MARCHF5: variants seen among roughly 807,000 people sequenced by gnomAD.
MARCHF5 encodes the protein membrane associated ring-CH-type finger 5.
A neutral mutation model predicts 36.5 loss-of-function variants in MARCHF5; 5 were observed. The observed-to-expected ratio is 0.14, with a 90% CI of 0.07 to 0.29. MARCHF5 has a LOEUF of 0.29. MARCHF5 is among the 10% of genes least tolerant of loss of function. MARCHF5 has a pLI of 1.00. For synonymous variants in MARCHF5, 103 were observed against 109.9 expected, an observed-to-expected ratio of 0.94 and a Z score of 0.39; for missense variants, 179 against 336.3, an observed-to-expected ratio of 0.53 and a Z score of 3.66.
intron 2 of MARCHF5, among the ~76,000 whole-genome samples, 182 bp from the exon 3 acceptor site, chr10:92,340,491 G>A (rs958447353): frequency 4.9e-4 from 74 of 152,316 alleles, no homozygotes; most frequent in African/African-American, 1.8e-3. Flanking sequence ...AGGATCACTT[G>A]AACCCAGAAG....
chr10:92,328,803 A>G (rs893829049), intron 2 of MARCHF5, among the ~76,000 whole-genome samples: 2 of 126,136 alleles, frequency 1.6e-5, no homozygotes, highest in Non-Finnish European at 3.3e-5. Context: ...TGAGGTTATT[A>G]TATATATATA....
At chr10:92,329,475 G>C (rs1292577948) in intron 2 of MARCHF5, among the ~76,000 whole-genome samples, 1 of 151,998 alleles carries the variant, frequency 6.6e-6, no homozygotes, top group African/African-American at 2.4e-5. Flanking sequence ...TTATATTTTT[G>C]ACTGATAAAT....
At chr10:92,291,674 T>G in intron 1 of MARCHF5, 145 bp downstream of exon 1, 1 of 1,267,672 alleles carries the variant, frequency 7.9e-7, no homozygotes, top group East Asian at 2.9e-5. Context: ...GCAAAAAGTT[T>G]GGAGTCTAGA....
intron 2 of MARCHF5, among the ~76,000 whole-genome samples, chr10:92,336,830 G>C (rs1843507741): frequency 1.3e-5 from 2 of 152,100 alleles, no homozygotes; most frequent in African/African-American, 2.4e-5. Flanking sequence ...AGAAAAACGA[G>C]AGATGTTCTG....
At chr10:92,341,956 C>G (rs1843585454) in intron 3 of MARCHF5, among the ~76,000 whole-genome samples, 1 of 151,556 alleles carries the variant, frequency 6.6e-6, no homozygotes, top group Admixed American at 6.6e-5. Context: ...TGCCTAGCTA[C>G]TTTTTTCTAA....
chr10:92,319,986 T>A (rs1395543081), intron 2 of MARCHF5, among the ~76,000 whole-genome samples: 3 of 149,786 alleles, frequency 2.0e-5, no homozygotes, highest in Admixed American at 2.0e-4. Context: ...TTTTTTTTTT[T>A]TTTGAGACAG....
intron 2 of MARCHF5, among the ~76,000 whole-genome samples, chr10:92,333,198 G>A (rs1255264342): frequency 6.7e-6 from 1 of 149,448 alleles, no homozygotes; most frequent in Admixed American, 6.7e-5. Flanking sequence ...AAAAATTCAC[G>A]TTTGTTGGCT....
rs1270726033 is a variant in MARCHF5, at chr10:92,353,313, G to C, written c.*2106G>C. ...ATGAAGCAACAAAAGAGCATAGGCA[G>C]ACTTAAAGTTGGATAGACCTGGGTT... is the stretch of plus-strand genomic sequence containing the variant. On this transcript the variant is annotated 3_prime_UTR_variant, in exon 6 of 6. Coordinates refer to ENST00000358935, the MANE Select transcript of MARCHF5 (RefSeq NM_017824.5). 1.3e-5 allele frequency: 2 copies of C among 152,160 alleles called. No individual in the cohort carries two copies. Among genetic ancestry groups the C allele is most frequent in the African/African-American group, 2.4e-5 (1 of 41,418 alleles). 9.4% of individuals were successfully genotyped at this position (152,160 alleles called of 1,614,324 possible). A position where few individuals can be genotyped will look rare whatever the true frequency, so the allele number is the denominator to read the frequency against.
chr10:92,309,364 C>CT (rs1411080161), intron 1 of MARCHF5, among the ~76,000 whole-genome samples: 24 of 152,120 alleles, frequency 1.6e-4, no homozygotes. Flanking sequence ...TTAATGTAGA[C>CT]TATTTCAGTT....
intron 2 of MARCHF5, among the ~76,000 whole-genome samples, chr10:92,329,913 T>G (rs770135137): frequency 3.3e-5 from 5 of 152,352 alleles, no homozygotes; most frequent in Non-Finnish European, 5.9e-5. Flanking sequence ...TGGCACAATC[T>G]TGGCTCACTG....
chr10:92,325,440 C>T (rs182610288), intron 2 of MARCHF5, among the ~76,000 whole-genome samples: 115 of 152,246 alleles, frequency 7.6e-4, no homozygotes, highest in Admixed American at 1.6e-3. Context: ...TTTATTTTGG[C>T]GCTCTGTTAA....
chr10:92,340,705 A>G lies in MARCHF5; in HGVS notation c.271A>G (p.Arg91Gly). ...GGTTTACGTCTTGGATCTTGCAGAT[A>G]GACTGATCTCAAAAGCCTGTCCATT... ...PVVYVLDLAD[R>G]LISKACPFAA... Residue 91 changes from arginine (R) to glycine (G), a missense_variant, in exon 3 of 6, where the codon AGA becomes GGA. Around this residue, in one of 3 missense-constraint regions of MARCHF5, gnomAD observed 66 missense variants for 180.5 expected, o/e 0.37. Coordinates refer to ENST00000358935, the MANE Select transcript of MARCHF5 (RefSeq NM_017824.5). 6.2e-7 allele frequency: 1 copy of G among 1,613,800 alleles called. No homozygotes were observed. The highest frequency in any genetic ancestry group is 8.5e-7 in the Non-Finnish European group (1 of 1,179,844).
At chr10:92,349,953 T>C in intron 5 of MARCHF5, 116 bp downstream of exon 5, 1 of 775,466 alleles carries the variant, frequency 1.3e-6, no homozygotes, top group Non-Finnish European at 2.1e-6. Context: ...GCATTAAGCC[T>C]CTATTTGAGC....
intron 1 of MARCHF5, among the ~76,000 whole-genome samples, chr10:92,293,739 A>T (rs1842918556): frequency 6.6e-6 from 1 of 151,920 alleles, no homozygotes; most frequent in South Asian, 2.1e-4. Context: ...CTGAGATCGC[A>T]CCATTGTACT....
chr10:92,296,519 T>A (rs1842949986), intron 1 of MARCHF5, among the ~76,000 whole-genome samples: 1 of 152,224 alleles, frequency 6.6e-6, no homozygotes, highest in Non-Finnish European at 1.5e-5. Context: ...GGAGTGAATT[T>A]ACAGAGAACA....
chr10:92,312,383 A>G (rs191155225), intron 2 of MARCHF5, among the ~76,000 whole-genome samples: 1 of 152,242 alleles, frequency 6.6e-6, no homozygotes, highest in Middle Eastern at 3.2e-3. Flanking sequence ...AAGGGGAAGT[A>G]GTGTAGTAGA....
At position 92,303,785 on chromosome 10, in the gene MARCHF5, T is replaced by C. The variant is rs1322341483; in HGVS notation, c.36-7350T>C. Among the ~76,000 whole-genome samples the C allele has an allele frequency of 2.0e-5, 3 of 152,210 alleles. No homozygotes were observed. The East Asian group carries it at 5.8e-4, about 29-fold the overall frequency. On this transcript the variant is annotated intron_variant, in intron 1 of 5. Coordinates refer to ENST00000358935, the MANE Select transcript of MARCHF5 (RefSeq NM_017824.5). The stretch of plus-strand genomic sequence containing the variant: ...TCATAATTTTAAAATCACATGGAAT[T>C]ATATTACCCATACCAGTAAGACTAT...
chr10:92,346,712 A>G (rs1257489217), intron 3 of MARCHF5, among the ~76,000 whole-genome samples: 1 of 151,148 alleles, frequency 6.6e-6, no homozygotes, highest in Non-Finnish European at 1.5e-5. Context: ...CAAACTCCTG[A>G]CCTCAGGTGA....
chr10:92,291,263 G>A lies in MARCHF5; in HGVS notation c.-232G>A, dbSNP rs555862963. The A allele has an allele frequency of 3.9e-3, 2,098 of 539,638 alleles. 8 individuals carry two copies. Among genetic ancestry groups the A allele is most frequent in the Non-Finnish European group, 4.9e-3 (1,536 of 310,648 alleles). The allele number at this position is 539,638 out of a possible 1,614,324, so 33.4% of individuals were successfully genotyped here. On this transcript the variant is annotated 5_prime_UTR_variant, in exon 1 of 6. Transcript: ENST00000358935. ...ACGGACGGGAACCCGGGCCGCGATC[G>A]CCGCCTCCCCGCCTCAGGCTCCTCC...
Sources: allele counts gnomAD v4.1 joint callset (sites outside exome capture counted in the v4.1 genomes callset), GRCh38; gene constraint gnomAD v4.1.1; regional missense constraint gnomAD v4.1.1; transcripts MANE v1.5; gene names NCBI Gene and HGNC (gene_info 2026-07-23, HGNC 2026-07-21).